Variants in BRDT observed in about 807,000 individuals in gnomAD.
BRDT encodes the protein bromodomain testis-specific protein.
Under a neutral mutation model 113.9 loss-of-function variants are expected in BRDT, and 77 were observed. The ratio of observed to expected loss-of-function variants is 0.68; its 90% CI spans 0.56 to 0.82. The LOEUF is 0.82. Ranked by LOEUF, BRDT falls within the 40% of genes least tolerant of loss-of-function variation. The probability of loss-of-function intolerance (pLI) is 0.00; values close to 1 mark genes in which losing one functional copy is unlikely to be tolerated. For synonymous variants in BRDT, 358 were observed against 366.5 expected (o/e 0.98, Z 0.26); for missense variants, 1,027 against 1,105.4 (o/e 0.93, Z 1.01).
At chr1:91,961,969 C>A (rs1303325817) in intron 1 of BRDT, among the ~76,000 whole-genome samples, 1 of 151,550 alleles carries the variant, frequency 6.6e-6, no homozygotes, top group African/African-American at 2.4e-5. Flanking sequence ...CACGGTGAAA[C>A]CCCATCTCTA....
chr1:91,973,192 G>A (rs1683789337), intron 4 of BRDT, among the ~76,000 whole-genome samples: 1 of 152,212 alleles, frequency 6.6e-6, no homozygotes, highest in Admixed American at 6.5e-5. Context: ...GTAATAAGAA[G>A]TGAAGTTTGA....
At chr1:91,963,444 G>A (rs1283296367) in intron 2 of BRDT, among the ~76,000 whole-genome samples, 1 of 152,126 alleles carries the variant, frequency 6.6e-6, no homozygotes, top group African/African-American at 2.4e-5. Flanking sequence ...TTAATAATTT[G>A]TGATAAATTG....
At chr1:91,989,520 C>T (rs1685577975) in intron 12 of BRDT, among the ~76,000 whole-genome samples, 1 of 152,086 alleles carries the variant, frequency 6.6e-6, no homozygotes, top group African/African-American at 2.4e-5. Context: ...ACCACCACAC[C>T]TGGCTAATTT....
chr1:91,962,872 C>T lies in BRDT; in HGVS notation c.118C>T (p.Leu40=), dbSNP rs780848368. 6.2e-7 allele frequency: 1 copy of T among 1,612,618 alleles called. No individual in the cohort carries two copies. The highest frequency in any genetic ancestry group is 8.5e-7 in the Non-Finnish European group (1 of 1,179,402). The part of the protein sequence containing the change: ...NQLQYLQKVV[L]KDLWKHSFSW... The stretch of plus-strand genomic sequence containing the variant: ...ACTTCAGTATCTACAAAAAGTTGTC[C>T]TAAAGGATTTATGGAAGCATAGTTT... The change falls in exon 2 of 19, where the codon CTA becomes TTA. Residue 40 remains leucine (L), a synonymous_variant. Coordinates refer to ENST00000399546, the MANE Select transcript of BRDT (RefSeq NM_207189.4).
At chr1:91,960,649 G>T (rs1386593064) in intron 1 of BRDT, among the ~76,000 whole-genome samples, 1 of 152,162 alleles carries the variant, frequency 6.6e-6, no homozygotes, top group African/African-American at 2.4e-5. Context: ...TAACACTGCT[G>T]AACTGTACAC....
chr1:91,992,219 A>T, intron 13 of BRDT, 45 bp from the exon 14 acceptor site: 1 of 1,036,362 alleles, frequency 9.6e-7, no homozygotes, highest in Non-Finnish European at 1.4e-6. Flanking sequence ...TCACATGGTT[A>T]AGAGATAATA....
chr1:91,970,611 T>C (rs1290648222), intron 4 of BRDT, among the ~76,000 whole-genome samples: 1 of 152,162 alleles, frequency 6.6e-6, no homozygotes, highest in Non-Finnish European at 1.5e-5. Context: ...ACATTTTGCA[T>C]TGCTATAAAG....
chr1:91,962,986 A>C, intron 2 of BRDT, 40 bp downstream of exon 2: 1 of 1,433,672 alleles, frequency 7.0e-7, no homozygotes, highest in Non-Finnish European at 9.4e-7. Context: ...AAAAAAAGAA[A>C]ACTCCTGTAA....
intron 4 of BRDT, among the ~76,000 whole-genome samples, chr1:91,974,181 C>T (rs1683895811): frequency 6.6e-6 from 1 of 152,064 alleles, no homozygotes; most frequent in African/African-American, 2.4e-5. Context: ...CCATAAAAAC[C>T]CTAGAAGAAA....
chr1:91,972,006 CTTT>C (rs1002745728), intron 4 of BRDT, among the ~76,000 whole-genome samples: 4 of 145,008 alleles, frequency 2.8e-5, no homozygotes, highest in Non-Finnish European at 6.1e-5. Flanking sequence ...GCTATTGTTC[CTTT>C]TTTTTTTTTC....
At chr1:92,011,552 T>C (rs537836486) in intron 18 of BRDT, among the ~76,000 whole-genome samples, 1 of 152,254 alleles carries the variant, frequency 6.6e-6, no homozygotes, top group South Asian at 2.1e-4. Flanking sequence ...CCTAAAGTCT[T>C]TCTGTAGTGA....
chr1:92,003,057 T>C (rs571120045), intron 16 of BRDT, among the ~76,000 whole-genome samples: 1 of 152,316 alleles, frequency 6.6e-6, no homozygotes, highest in South Asian at 2.1e-4. Context: ...TGAGATGCTT[T>C]AGTTGAGTGA....
intron 2 of BRDT, among the ~76,000 whole-genome samples, chr1:91,963,820 A>C (rs1417422223): frequency 6.9e-6 from 1 of 144,470 alleles, no homozygotes; most frequent in Non-Finnish European, 1.5e-5. Context: ...ATCTAAAAAT[A>C]ATGCCACAGC....
At chr1:92,010,514 T>C (rs959866657) in intron 18 of BRDT, among the ~76,000 whole-genome samples, 10 of 152,064 alleles carry the variant, frequency 6.6e-5, no homozygotes, top group African/African-American at 1.4e-4. Flanking sequence ...CTCAAACTCC[T>C]GTCCTTAAGG....
At chr1:91,974,588 T>C (rs1276009967) in intron 4 of BRDT, among the ~76,000 whole-genome samples, 2 of 152,172 alleles carry the variant, frequency 1.3e-5, no homozygotes, top group African/African-American at 4.8e-5. Flanking sequence ...TGAGATATCA[T>C]CTCACACCAG....
intron 4 of BRDT, among the ~76,000 whole-genome samples, chr1:91,971,439 C>G (rs1213094622): frequency 6.6e-6 from 1 of 152,138 alleles, no homozygotes; most frequent in Non-Finnish European, 1.5e-5. Context: ...AGAAGCATTC[C>G]ACTACCAGAG....
chr1:91,949,714 C>G (rs1205599767), intron 1 of BRDT, 32 bp downstream of exon 1: 8 of 152,284 alleles, frequency 5.3e-5, no homozygotes, highest in Non-Finnish European at 1.0e-4. Flanking sequence ...TTTGGCCTTA[C>G]CAACTTCAGG....
intron 7 of BRDT, 143 bp from the exon 8 acceptor site, chr1:91,979,426 A>T: frequency 1.2e-6 from 1 of 809,458 alleles, no homozygotes. Context: ...CATGAGTCTT[A>T]ATACGTTTCT....
intron 1 of BRDT, among the ~76,000 whole-genome samples, chr1:91,953,337 G>T (rs561277791): frequency 6.6e-6 from 1 of 152,140 alleles, no homozygotes; most frequent in South Asian, 2.1e-4. Context: ...ATGCACTTAG[G>T]GCAACACAAT....
Sources: allele counts gnomAD v4.1 joint callset (sites outside exome capture counted in the v4.1 genomes callset), GRCh38; gene constraint gnomAD v4.1.1; transcripts MANE v1.5; gene names NCBI Gene and HGNC (gene_info 2026-07-23, HGNC 2026-07-21).